The following KCNH5 variants were observed in gnomAD, a reference collection of about 807,000 sequenced individuals.
KCNH5 encodes voltage-gated delayed rectifier potassium channel KCNH5.
A neutral mutation model predicts 96.1 loss-of-function variants in KCNH5; 46 were observed. That is an observed-to-expected ratio of 0.48 (90% CI 0.38 to 0.61). The LOEUF is 0.61. KCNH5 is among the 20% of genes least tolerant of loss of function. The pLI, the probability that KCNH5 is intolerant of heterozygous loss-of-function variation, is 0.00. For missense variants in KCNH5, 907 were observed against 1,225.8 expected, an observed-to-expected ratio of 0.74 and a Z score of 3.88; for synonymous variants, 439 against 449.8, an observed-to-expected ratio of 0.98 and a Z score of 0.30.
chr14:62,854,681 T>G (rs548087376), intron 7 of KCNH5, among the ~76,000 whole-genome samples: 2 of 152,078 alleles, frequency 1.3e-5, no homozygotes, highest in East Asian at 3.9e-4. Context: ...ATAAGGGTCT[T>G]TTTATATGCT....
At chr14:62,946,298 G>C (rs1889885544) in intron 7 of KCNH5, among the ~76,000 whole-genome samples, 3 of 152,032 alleles carry the variant, frequency 2.0e-5, no homozygotes, top group Non-Finnish European at 4.4e-5. Context: ...ACTCTACATA[G>C]ATTTTATTTT....
At chr14:63,021,469 C>G (rs1173554969) in intron 1 of KCNH5, among the ~76,000 whole-genome samples, 1 of 152,148 alleles carries the variant, frequency 6.6e-6, no homozygotes, top group East Asian at 1.9e-4. Flanking sequence ...ACTTTTCTGA[C>G]ATCTCTTTGC....
intron 10 of KCNH5, among the ~76,000 whole-genome samples, chr14:62,768,573 A>G (rs1473275217): frequency 6.6e-6 from 1 of 152,232 alleles, no homozygotes; most frequent in Non-Finnish European, 1.5e-5. Flanking sequence ...CAAATGTCTC[A>G]AATAGATTGT....
intron 6 of KCNH5, among the ~76,000 whole-genome samples, chr14:62,958,585 C>T (rs113018006): frequency 0.026 from 3,946 of 152,284 alleles, 171 homozygotes; most frequent in African/African-American, 0.089. Context: ...CTTACTGAAC[C>T]TGTAGTCCTT....
At chr14:62,895,036 C>A (rs939021603) in intron 7 of KCNH5, among the ~76,000 whole-genome samples, 7 of 152,256 alleles carry the variant, frequency 4.6e-5, no homozygotes, top group African/African-American at 1.7e-4. Flanking sequence ...TGACATTCAG[C>A]CTTTCTTTGG....
Position 63,003,502 on chromosome 14 carries a change from ATTTT to A in KCNH5, c.305-2047_305-2044del, listed in dbSNP as rs1566536717. On this transcript the variant is annotated intron_variant, in intron 3 of 10. Coordinates refer to ENST00000322893, the MANE Select transcript of KCNH5 (RefSeq NM_139318.5). Reference sequence around the variant, plus strand: ...TATATTTTATATATATTATATATATATTTTATATATATTTTATATATTTTATATA... The same window carrying A: ...TATATTTTATATATATTATATATATAATATATATTTTATATATTTTATATA... 5.5e-3 allele frequency among the ~76,000 whole-genome samples: 672 copies of A among 122,908 alleles called. 11 individuals carry two copies. The highest frequency in any genetic ancestry group is 0.021 in the African/African-American group (628 of 30,216). 80.6% of individuals were successfully genotyped at this position (122,908 alleles called of 152,430 possible). A position where few individuals can be genotyped will look rare whatever the true frequency, so the allele number is the denominator to read the frequency against.
At chr14:63,003,619 TATA>T in intron 3 of KCNH5, among the ~76,000 whole-genome samples, 2 of 123,102 alleles carry the variant, frequency 1.6e-5, no homozygotes, top group African/African-American at 6.9e-5. Context: ...TATATATATA[TATA>T]TATTTTTTTT....
At chr14:62,831,467 TTAC>T (rs1887347400) in intron 8 of KCNH5, among the ~76,000 whole-genome samples, 1 of 152,336 alleles carries the variant, frequency 6.6e-6, no homozygotes, top group South Asian at 2.1e-4. Context: ...TGTATTTCCC[TTAC>T]TACTGCTGAA....
intron 8 of KCNH5, among the ~76,000 whole-genome samples, chr14:62,829,307 C>A (rs1887292826): frequency 6.6e-6 from 1 of 152,114 alleles, no homozygotes; most frequent in Non-Finnish European, 1.5e-5. Flanking sequence ...CTAGGAAGTA[C>A]CCCAGTGAAG....
chr14:62,899,829 G>A (rs1243505374), intron 7 of KCNH5, among the ~76,000 whole-genome samples: 5 of 75,840 alleles, frequency 6.6e-5, no homozygotes, highest in Non-Finnish European at 9.3e-5. Flanking sequence ...GCGAGACTCC[G>A]TCTCAAAAAA....
intron 9 of KCNH5, among the ~76,000 whole-genome samples, chr14:62,798,465 A>G (rs1333526988): frequency 6.6e-6 from 1 of 152,218 alleles, no homozygotes; most frequent in Non-Finnish European, 1.5e-5. Flanking sequence ...ATTATAGGAT[A>G]GGAACTAAAA....
At chr14:62,866,528 G>A (rs982701006) in intron 7 of KCNH5, among the ~76,000 whole-genome samples, 6 of 152,156 alleles carry the variant, frequency 3.9e-5, no homozygotes, top group South Asian at 2.1e-4. Flanking sequence ...GCACATCATT[G>A]TGGCAGAAAT....
At chr14:62,781,048 C>T (rs550184804) in intron 9 of KCNH5, among the ~76,000 whole-genome samples, 1 of 152,108 alleles carries the variant, frequency 6.6e-6, no homozygotes, top group South Asian at 2.1e-4. Flanking sequence ...GAATCTGCCC[C>T]GATATTCACA....
At position 62,980,964 on chromosome 14, in the gene KCNH5, T is replaced by C; in HGVS notation, c.850A>G (p.Ile284Val). 1 of 1,614,130 alleles carries C rather than the reference T, an allele frequency of 6.2e-7. No homozygotes were observed. Among genetic ancestry groups the C allele is most frequent in the Non-Finnish European group, 8.5e-7 (1 of 1,180,020 alleles). The stretch of plus-strand genomic sequence containing the variant: ...CAAGTTTTCAGATAGTTCATCCTTA[T>C]GAGCTTAGGGTCAGAAATGACCTCT... ...GGEVISDPKL[I>V]RMNYLKTWFV... Residue 284 changes from isoleucine (I) to valine (V), a missense_variant, in exon 6 of 11, where the codon ATA becomes GTA. Ile to Val is a conservative substitution (Grantham distance 29). Transcript: ENST00000322893.
intron 7 of KCNH5, among the ~76,000 whole-genome samples, chr14:62,853,458 TATATATATATATATATATATATC>T: frequency 2.3e-5 from 1 of 43,968 alleles, no homozygotes; most frequent in African/African-American, 7.8e-5. Context: ...AGAATAATCA[TATATATATATATATATATATATC>T]ATATATATAT....
At chr14:62,713,252 G>A (rs1884610600) in intron 10 of KCNH5, among the ~76,000 whole-genome samples, 1 of 148,992 alleles carries the variant, frequency 6.7e-6, no homozygotes, top group Non-Finnish European at 1.5e-5. Context: ...ATGTTCCACT[G>A]TCTAAACAAA....
rs187935363 is a variant in KCNH5 at position 62,857,040 on chromosome 14, A to T, written c.1370-7188T>A. Among the ~76,000 whole-genome samples the T allele has an allele frequency of 2.0e-3, 303 of 152,232 alleles. 1 individual carries two copies. Among genetic ancestry groups the T allele is most frequent in the African/African-American group, 6.1e-3 (254 of 41,538 alleles). ...CAGGATCACTTTTGGAACTTACCAAATTTTAGTATAATATTGGATAGATGT... is the reference window on the plus strand; with the variant it reads ...CAGGATCACTTTTGGAACTTACCAATTTTTAGTATAATATTGGATAGATGT... On this transcript the variant is annotated intron_variant, in intron 7 of 10. Coordinates refer to ENST00000322893, the MANE Select transcript of KCNH5 (RefSeq NM_139318.5).
chr14:62,774,496 G>T (rs763233844), intron 10 of KCNH5, among the ~76,000 whole-genome samples: 1 of 152,146 alleles, frequency 6.6e-6, no homozygotes. Context: ...CAACAAATAG[G>T]TAAAATGGGA....
At chr14:62,763,953 A>G (rs968547612) in intron 10 of KCNH5, among the ~76,000 whole-genome samples, 1 of 152,160 alleles carries the variant, frequency 6.6e-6, no homozygotes, top group Non-Finnish European at 1.5e-5. Flanking sequence ...TCTACCAGAC[A>G]TATAAAGAAA....
Sources: gnomAD v4.1 joint callset for allele counts (sites outside exome capture counted in the v4.1 genomes callset) on GRCh38, gnomAD v4.1.1 for gene constraint, MANE v1.5 for transcripts, NCBI Gene and HGNC (gene_info 2026-07-23, HGNC 2026-07-21) for gene names.